NAT10: variants seen among roughly 807,000 people sequenced by gnomAD.
The protein encoded by NAT10 is N-acetyltransferase 10.
NAT10 carries 109 observed loss-of-function variants against 132.2 expected under a neutral mutation model. That is an observed-to-expected ratio of 0.82 (90% confidence interval 0.71 to 0.97). NAT10 has a LOEUF of 0.97. Ranked by LOEUF, NAT10 falls within the 50% of genes least tolerant of loss-of-function variation. NAT10 has a pLI of 0.00. For synonymous variants in NAT10, 479 were observed against 478.0 expected, an observed-to-expected ratio of 1.00 and a Z score of -0.03; for missense variants, 1,184 against 1,263.4, an observed-to-expected ratio of 0.94 and a Z score of 0.95.
Position 34,118,268 on chromosome 11 carries a change from A to G in NAT10, c.646A>G (p.Met216Val). The G allele has an allele frequency of 1.9e-6, 3 of 1,614,120 alleles. No homozygotes were observed. Among genetic ancestry groups the G allele is most frequent in the South Asian group, 1.1e-5 (1 of 91,086 alleles). Residue 216 changes from methionine to valine, a missense_variant, in exon 7 of 29, where the codon ATG becomes GTG. By Grantham distance (21) the Met-to-Val change is conservative (BLOSUM62 1). Transcript: ENST00000257829. ...GCCCATCTCCTCCCACGTTGCCACC[A>G]TGGAGGCCCTGCCTCCCCAGACTCC... ...ILPISSHVAT[M>V]EALPPQTPDE... is the part of the protein sequence containing the mutation.
At chr11:34,144,133 C>T (rs1304862457) in intron 28 of NAT10, among the ~76,000 whole-genome samples, 7 of 152,180 alleles carry the variant, frequency 4.6e-5, no homozygotes, top group Middle Eastern at 6.8e-3. Flanking sequence ...GGAAATTTCC[C>T]ATATTAGAAA....
Position 34,118,471 on chromosome 11 carries a change from G to T in NAT10, c.748G>T (p.Val250Leu). The change falls in exon 8 of 29, where the codon GTG becomes TTG. Residue 250 changes from valine to leucine, a missense_variant. Transcript: ENST00000257829. ...CTTGCAGGACACCCAGCCTGTGGGT[G>T]TGTTGGTGGACTGCTGTAAGACTCT... ...ESLQDTQPVG[V>L]LVDCCKTLDQ... The T allele has an allele frequency of 1.2e-6, 2 of 1,614,120 alleles. No homozygotes were observed. The highest frequency in any genetic ancestry group is 1.7e-6 in the Non-Finnish European group (2 of 1,179,986).
Position 34,146,119 on chromosome 11 carries a change from C to G in NAT10, c.3005C>G (p.Pro1002Arg). The change falls in exon 29 of 29, where the codon CCC becomes CGC. Residue 1002 changes from proline to arginine, a missense_variant. Pro to Arg is a moderately radical substitution (Grantham distance 103). Coordinates refer to ENST00000257829, the MANE Select transcript of NAT10 (RefSeq NM_024662.3). The part of the protein sequence containing the change: ...KKRKLEAKQE[P>R]KQSKKLKNRE... ...AGGAAGTTAGAGGCCAAACAAGAAC[C>G]CAAACAGAGCAAGAAGTTGAAGAAC... 1.2e-6 allele frequency: 2 copies of G among 1,609,058 alleles called. No individual in the cohort carries two copies. Among genetic ancestry groups the G allele is most frequent in the Non-Finnish European group, 1.7e-6 (2 of 1,178,394 alleles).
At chr11:34,144,647 C>G (rs775328038) in intron 28 of NAT10, among the ~76,000 whole-genome samples, 3 of 152,184 alleles carry the variant, frequency 2.0e-5, no homozygotes, top group South Asian at 2.1e-4. Flanking sequence ...GTCCCTAGAC[C>G]ACTCTTTGAA....
chr11:34,110,236 G>A (rs1444708610), intron 3 of NAT10, among the ~76,000 whole-genome samples: 2 of 151,974 alleles, frequency 1.3e-5, no homozygotes, highest in African/African-American at 4.8e-5. Context: ...ATTTCCAAAT[G>A]TGCTCATCTC....
intron 12 of NAT10, among the ~76,000 whole-genome samples, 197 bp downstream of exon 12, chr11:34,127,796 C>T (rs183452405): frequency 3.9e-5 from 6 of 152,170 alleles, no homozygotes; most frequent in African/African-American, 9.6e-5. Context: ...GTCTCTGGCC[C>T]GACATGAAAT....
chr11:34,108,157 A>C, intron 1 of NAT10, 54 bp from the exon 2 acceptor site: 2 of 1,251,400 alleles, frequency 1.6e-6, no homozygotes, highest in Non-Finnish European at 2.3e-6. Flanking sequence ...CAGCCAGCTA[A>C]TGTTCCTTAG....
Position 34,142,059 on chromosome 11 carries a change from G to A in NAT10, c.2812-216G>A, listed in dbSNP as rs1852344166. On this transcript the variant is annotated intron_variant, in intron 26 of 28. Coordinates refer to ENST00000257829, the MANE Select transcript of NAT10 (RefSeq NM_024662.3). ...TGAATGTAGGATTCCAGCATCTGTT[G>A]GAAATGTTTTGTCTTTTTTGGTGAC... is the stretch of plus-strand genomic sequence containing the variant. The A allele has an allele frequency of 1.1e-5, 7 of 624,480 alleles. No individual in the cohort carries two copies. The South Asian group carries it at 1.2e-4, about 11-fold the overall frequency. The allele number at this position is 624,480 out of a possible 1,614,324, so 38.7% of individuals were successfully genotyped here. A position where few individuals can be genotyped will look rare whatever the true frequency, so the allele number is the denominator to read the frequency against.
At chr11:34,139,612 T>A (rs1455924026) in intron 23 of NAT10, 117 bp downstream of exon 23, 20 of 864,470 alleles carry the variant, frequency 2.3e-5, no homozygotes, top group Non-Finnish European at 2.8e-5. Flanking sequence ...TAGCCTGCAG[T>A]CACTCGCTGG....
intron 13 of NAT10, 49 bp from the exon 14 acceptor site, chr11:34,131,332 C>A: frequency 6.4e-7 from 1 of 1,562,896 alleles, no homozygotes; most frequent in Non-Finnish European, 8.7e-7. Context: ...TTAGACAATA[C>A]ATATTTAATC....
intron 21 of NAT10, among the ~76,000 whole-genome samples, chr11:34,138,234 C>T (rs563910993): frequency 5.4e-4 from 82 of 152,234 alleles, no homozygotes; most frequent in African/African-American, 1.9e-3. Context: ...CTACTTCATC[C>T]TTCGGAACAG....
intron 25 of NAT10, 126 bp downstream of exon 25, chr11:34,141,334 C>T: frequency 7.6e-7 from 1 of 1,317,802 alleles, no homozygotes; most frequent in Non-Finnish European, 1.0e-6. Flanking sequence ...CACACACACA[C>T]ACACACACAC....
At chr11:34,133,583 A>G (rs1221722166) in intron 16 of NAT10, among the ~76,000 whole-genome samples, 1 of 152,238 alleles carries the variant, frequency 6.6e-6, no homozygotes, top group Admixed American at 6.5e-5. Flanking sequence ...CAGTGTATAA[A>G]ACACTCATAA....
rs747948005 is a variant in NAT10 at position 34,108,239 on chromosome 11, AG to A, written c.16del (p.Val6TrpfsTer13). On this transcript the variant is annotated frameshift_variant, in exon 2 of 29. Transcript: ENST00000257829. LOFTEE classifies it high-confidence loss of function. ...TAATTTTTCACCATGCATCGGAAAA[AG>A]GTGGATAACCGAATCCGGATTCTCA... MHRK[K>X]VDNRIRILIE... 3 of 1,613,660 alleles carry A rather than the reference AG, an allele frequency of 1.9e-6. No homozygotes were observed. Among genetic ancestry groups the A allele is most frequent in the African/African-American group, 2.7e-5 (2 of 74,918 alleles).
chr11:34,140,317 T>G, intron 23 of NAT10, 83 bp from the exon 24 acceptor site: 1 of 1,339,598 alleles, frequency 7.5e-7, no homozygotes, highest in Non-Finnish European at 1.0e-6. Flanking sequence ...CTCCTGTGTG[T>G]TAGGGTGCCG....
chr11:34,117,691 A>G (rs551736660), intron 6 of NAT10, among the ~76,000 whole-genome samples: 1 of 152,302 alleles, frequency 6.6e-6, no homozygotes, highest in Admixed American at 6.5e-5. Context: ...CCTGCTTGCA[A>G]GAACGTTTGT....
chr11:34,135,096 C>A, intron 18 of NAT10, 79 bp from the exon 19 acceptor site: 1 of 1,103,260 alleles, frequency 9.1e-7, no homozygotes. Context: ...TCTCTAGAAG[C>A]AATGCAGGGG....
chr11:34,136,680 G>C lies in NAT10; in HGVS notation c.2067G>C (p.Lys689Asn), dbSNP rs1852220140. The change falls in exon 20 of 29, where the codon AAG becomes AAC. Residue 689 changes from lysine to asparagine, a missense_variant. Coordinates refer to ENST00000257829, the MANE Select transcript of NAT10 (RefSeq NM_024662.3). ...TGGAAGAGGTCATCACTCCCCGGAAGGACCTGCCTCCTTTACTCCTCAAAT... is the reference window on the plus strand; with the variant it reads ...TGGAAGAGGTCATCACTCCCCGGAACGACCTGCCTCCTTTACTCCTCAAAT... Reference protein sequence around the residue: ...SLLEEVITPRKDLPPLLLKLN... With the variant: ...SLLEEVITPRNDLPPLLLKLN... The C allele has an allele frequency of 6.2e-7, 1 of 1,614,062 alleles. No individual in the cohort carries two copies. The highest frequency in any genetic ancestry group is 1.1e-5 in the South Asian group (1 of 91,088).
intron 11 of NAT10, 88 bp downstream of exon 11, chr11:34,124,488 A>G (rs750636768): frequency 5.1e-5 from 47 of 925,810 alleles, no homozygotes; most frequent in Non-Finnish European, 7.2e-5. Flanking sequence ...ATAGACATGT[A>G]TGTCTTGTGT....
Sources: gnomAD v4.1 joint callset for allele counts (sites outside exome capture counted in the v4.1 genomes callset) on GRCh38, gnomAD v4.1.1 for gene constraint, MANE v1.5 for transcripts, NCBI Gene and HGNC (gene_info 2026-07-23, HGNC 2026-07-21) for gene names.